The following MGAT4C variants were observed in gnomAD, a reference collection of about 807,000 sequenced individuals.
The protein encoded by MGAT4C is MGAT4 family member C, also known as alpha-1,3-mannosyl-glycoprotein 4-beta-N-acetylglucosaminyltransferase C.
A neutral mutation model predicts 40.1 loss-of-function variants in MGAT4C; 19 were observed. The ratio of observed to expected loss-of-function variants is 0.47; its 90% CI spans 0.33 to 0.70. The LOEUF (loss-of-function observed/expected upper bound fraction) is 0.70, where lower values mean the gene tolerates loss of function less well. Ranked by LOEUF, MGAT4C falls within the 30% of genes least tolerant of loss-of-function variation. The pLI is 0.02. For synonymous variants in MGAT4C, 181 were observed against 187.1 expected (o/e 0.97, Z 0.27); for missense variants, 491 against 563.2 (o/e 0.87, Z 1.30).
At position 86,396,619 on chromosome 12, in the gene MGAT4C, G is replaced by A. The variant is rs58696546; in HGVS notation, c.-120+38538C>T. Among the ~76,000 whole-genome samples, 455 of 152,218 alleles carry A rather than the reference G, an allele frequency of 3.0e-3. 2 individuals are homozygous for A. Among genetic ancestry groups the A allele is most frequent in the African/African-American group, 0.01 (433 of 41,542 alleles). On this transcript the variant is annotated intron_variant, in intron 3 of 7. Coordinates refer to the MGAT4C transcript ENST00000548651. The stretch of plus-strand genomic sequence containing the variant: ...CAAAATGAAACAAAAACACAAAGGT[G>A]GGGGAGAAGGAGTGAGATAGGATGC...
At chr12:86,678,273 C>T (rs1326634587) in intron 2 of MGAT4C, among the ~76,000 whole-genome samples, 2 of 152,050 alleles carry the variant, frequency 1.3e-5, no homozygotes, top group African/African-American at 2.4e-5. Context: ...TAAGACTTAT[C>T]CTTTATTCCT....
chr12:86,534,511 G>A (rs573740471), intron 2 of MGAT4C, among the ~76,000 whole-genome samples: 11 of 152,092 alleles, frequency 7.2e-5, no homozygotes, highest in African/African-American at 2.7e-4. Context: ...GGTGTTCATG[G>A]TTCACACAGT....
chr12:86,757,956 T>C (rs1951334654), intron 1 of MGAT4C, among the ~76,000 whole-genome samples: 1 of 152,174 alleles, frequency 6.6e-6, no homozygotes, highest in Non-Finnish European at 1.5e-5. Context: ...ATGGAACCAA[T>C]GGATATCACA....
At chr12:86,362,446 C>A (rs895456825) in intron 3 of MGAT4C, among the ~76,000 whole-genome samples, 17 of 151,536 alleles carry the variant, frequency 1.1e-4, no homozygotes, top group Admixed American at 2.0e-4. Context: ...TGTAACAAAC[C>A]TGCACATTGT....
chr12:86,216,556 C>A (rs990161185), intron 1 of MGAT4C, among the ~76,000 whole-genome samples: 3 of 151,970 alleles, frequency 2.0e-5, no homozygotes, highest in Non-Finnish European at 4.4e-5. Context: ...ATGATAAGAG[C>A]TATTTAGGTT....
At chr12:86,240,622 T>A (rs1951744906) in intron 1 of MGAT4C, among the ~76,000 whole-genome samples, 1 of 152,132 alleles carries the variant, frequency 6.6e-6, no homozygotes, top group South Asian at 2.1e-4. Flanking sequence ...TAATCATTTG[T>A]TTAATCCTTT....
chr12:86,410,491 C>A (rs532679444), intron 3 of MGAT4C, among the ~76,000 whole-genome samples: 2 of 152,260 alleles, frequency 1.3e-5, no homozygotes, highest in Admixed American at 1.3e-4. Context: ...TTCTGCCCGA[C>A]CACACAGGCG....
At chr12:86,660,549 T>C (rs1963956690) in intron 2 of MGAT4C, among the ~76,000 whole-genome samples, 1 of 152,184 alleles carries the variant, frequency 6.6e-6, no homozygotes, top group Non-Finnish European at 1.5e-5. Flanking sequence ...GATTTTTAAA[T>C]TTTCTACAAC....
chr12:86,766,321 T>C (rs535860736), intron 1 of MGAT4C, among the ~76,000 whole-genome samples: 1 of 152,006 alleles, frequency 6.6e-6, no homozygotes, highest in African/African-American at 2.4e-5. Context: ...GAGCTAACTA[T>C]CCTAAATATA....
intron 1 of MGAT4C, among the ~76,000 whole-genome samples, chr12:86,804,425 A>T (rs1005558667): frequency 4.4e-4 from 67 of 151,158 alleles, no homozygotes; most frequent in Non-Finnish European, 1.9e-4. Flanking sequence ...ATAAAAAAAT[A>T]AAAAAATAAA....
chr12:86,648,166 TA>T (rs2136531015), intron 2 of MGAT4C, among the ~76,000 whole-genome samples: 1 of 152,042 alleles, frequency 6.6e-6, no homozygotes, highest in South Asian at 2.1e-4. Context: ...TGTATTATAT[TA>T]AAAGATGTAA....
intron 1 of MGAT4C, among the ~76,000 whole-genome samples, chr12:86,814,311 T>TGAAAGGCATGTTCTTTC (rs1566009087): frequency 2.4e-3 from 12 of 4,918 alleles, no homozygotes; most frequent in South Asian, 0.016. Flanking sequence ...CGTATATATA[T>TGAAAGGCATGTTCTTTC]ACGTATATAT....
intron 1 of MGAT4C, among the ~76,000 whole-genome samples, chr12:86,200,196 T>C (rs1243883443): frequency 6.7e-6 from 1 of 149,490 alleles, no homozygotes; most frequent in African/African-American, 2.5e-5. Context: ...TTTTTTGAGA[T>C]AGAGTCTTGA....
chr12:85,980,674 A>T (rs1884482807), intron 4 of MGAT4C, among the ~76,000 whole-genome samples: 5 of 152,120 alleles, frequency 3.3e-5, no homozygotes, highest in Admixed American at 3.3e-4. Context: ...ATAATGTATG[A>T]GCCCTATTGC....
chr12:86,730,666 G>A (rs1950893080), intron 1 of MGAT4C, among the ~76,000 whole-genome samples: 1 of 152,054 alleles, frequency 6.6e-6, no homozygotes, highest in Admixed American at 6.6e-5. Context: ...TGCTATTGCA[G>A]AATATTTCAT....
rs545680472 is a variant in MGAT4C at position 86,668,902 on chromosome 12, A to T, written c.-229+58307T>A. On this transcript the variant is annotated intron_variant, in intron 2 of 7. Transcript: ENST00000548651. ...GTTTAAGCAGGGCCCTCTCTGCTCC[A>T]CCCCCAGACAGAAATCCAGGCATTT... 5.9e-5 allele frequency among the ~76,000 whole-genome samples: 9 copies of T among 152,078 alleles called. No homozygotes were observed. In the South Asian group the frequency reaches 1.7e-3, roughly 28 times the overall value.
intron 4 of MGAT4C, among the ~76,000 whole-genome samples, chr12:86,315,519 G>A (rs1267995805): frequency 6.7e-6 from 1 of 148,434 alleles, no homozygotes; most frequent in Admixed American, 6.8e-5. Flanking sequence ...TGGCTAACAC[G>A]GTGAAACCCC....
At chr12:86,798,761 T>A (rs1952174623) in intron 1 of MGAT4C, among the ~76,000 whole-genome samples, 1 of 151,894 alleles carries the variant, frequency 6.6e-6, no homozygotes, top group Admixed American at 6.6e-5. Context: ...ATGGAATAAC[T>A]GTTATCCACT....
intron 1 of MGAT4C, among the ~76,000 whole-genome samples, chr12:86,820,355 C>T (rs1952684224): frequency 6.6e-6 from 1 of 150,844 alleles, no homozygotes; most frequent in Non-Finnish European, 1.5e-5. Flanking sequence ...ACAAAGACTT[C>T]ATTTCTACAC....
Sources: gnomAD v4.1 joint callset for allele counts (sites outside exome capture counted in the v4.1 genomes callset) on GRCh38, gnomAD v4.1.1 for gene constraint, MANE v1.5 for transcripts, NCBI Gene and HGNC (gene_info 2026-07-23, HGNC 2026-07-21) for gene names.